KCND2: variants seen among roughly 807,000 people sequenced by gnomAD.
KCND2 encodes A-type voltage-gated potassium channel KCND2.
Under a neutral mutation model 54.4 loss-of-function variants are expected in KCND2, and 16 were observed. The ratio of observed to expected loss-of-function variants is 0.29; its 90% CI spans 0.20 to 0.45. The LOEUF (loss-of-function observed/expected upper bound fraction) is 0.45. Ranked by LOEUF, KCND2 falls within the 20% of genes least tolerant of loss-of-function variation. KCND2 has a pLI of 1.00. For synonymous variants in KCND2, 317 were observed against 310.7 expected, an observed-to-expected ratio of 1.02 and a Z score of -0.21; for missense variants, 486 against 824.2, an observed-to-expected ratio of 0.59 and a Z score of 5.02.
chr7:120,702,881 G>A (rs536000181), intron 1 of KCND2, among the ~76,000 whole-genome samples: 35 of 151,992 alleles, frequency 2.3e-4, no homozygotes, highest in South Asian at 2.1e-3. Flanking sequence ...TAACCCCCCC[G>A]TCACAGGTTT....
intron 1 of KCND2, among the ~76,000 whole-genome samples, chr7:120,482,121 G>A (rs980672738): frequency 2.6e-5 from 4 of 152,200 alleles, no homozygotes; most frequent in African/African-American, 4.8e-5. Context: ...GAAGTAGGAC[G>A]TGGAGCCAAA....
intron 1 of KCND2, among the ~76,000 whole-genome samples, chr7:120,530,209 T>C (rs1791825971): frequency 6.6e-6 from 1 of 152,210 alleles, no homozygotes; most frequent in African/African-American, 2.4e-5. Flanking sequence ...ACACAAAGTA[T>C]AAATGCTTGA....
At chr7:120,517,949 G>T (rs2116342067) in intron 1 of KCND2, among the ~76,000 whole-genome samples, 1 of 152,148 alleles carries the variant, frequency 6.6e-6, no homozygotes, top group Admixed American at 6.6e-5. Flanking sequence ...TTTCTTCTCT[G>T]CATTCCCTAC....
chr7:120,741,910 A>T (rs753301968), intron 3 of KCND2, among the ~76,000 whole-genome samples: 5 of 152,148 alleles, frequency 3.3e-5, no homozygotes, highest in Non-Finnish European at 7.4e-5. Flanking sequence ...AAAGGTAAAA[A>T]AAAATGCTTA....
At chr7:120,387,350 C>T (rs556266038) in intron 1 of KCND2, among the ~76,000 whole-genome samples, 3 of 151,960 alleles carry the variant, frequency 2.0e-5, no homozygotes, top group Non-Finnish European at 4.4e-5. Context: ...GAGGTAAAGA[C>T]GATGGCTTGA....
Position 120,273,692 on chromosome 7 carries a change from T to C in KCND2, c.-941T>C, listed in dbSNP as rs1236705123. ...TCGGCTGCTCGCGAGCTGCTTTCTC[T>C]CCTCTTCCCTTTCCGGGTGCACGGC... On this transcript the variant is annotated 5_prime_UTR_variant, in exon 1 of 6. Transcript: ENST00000331113. 5 of 152,702 alleles carry C rather than the reference T, an allele frequency of 3.3e-5. No homozygotes were observed. Among genetic ancestry groups the C allele is most frequent in the Non-Finnish European group, 7.3e-5 (5 of 68,126 alleles). The allele number at this position is 152,702 out of a possible 1,614,324, so 9.5% of individuals were successfully genotyped here. A position where few individuals can be genotyped will look rare whatever the true frequency, so the allele number is the denominator to read the frequency against.
rs1035045841 is a variant in KCND2 at position 120,674,847 on chromosome 7, T to G, written c.1116-58056T>G. 3.3e-5 allele frequency among the ~76,000 whole-genome samples: 5 copies of G among 152,344 alleles called. No homozygotes were observed. The East Asian group carries it at 9.6e-4, about 29-fold the overall frequency. Reference sequence around the variant, plus strand: ...AGTGTGTGTTGGAGGGGAAGAGTTCTTCTTTTCTCAAAAAAGTAAAATAGT... The same window carrying G: ...AGTGTGTGTTGGAGGGGAAGAGTTCGTCTTTTCTCAAAAAAGTAAAATAGT... On this transcript the variant is annotated intron_variant, in intron 1 of 5. Coordinates refer to ENST00000331113, the MANE Select transcript of KCND2 (RefSeq NM_012281.3).
chr7:120,275,422 A>G lies in KCND2; in HGVS notation c.790A>G (p.Ile264Val), dbSNP rs771077214. ...RYRFVRSVMS[I>V]IDVVAILPYY... ...CCGTTTTGTGCGTAGTGTCATGAGT[A>G]TCATCGACGTGGTGGCCATCCTGCC... Residue 264 changes from isoleucine to valine, a missense_variant, in exon 1 of 6, where the codon ATC becomes GTC. Physicochemically the swap from Ile to Val is conservative, Grantham distance 29 (BLOSUM62 3). Transcript: ENST00000331113. 3.1e-6 allele frequency: 5 copies of G among 1,613,656 alleles called. No homozygotes were observed. Among genetic ancestry groups the G allele is most frequent in the Non-Finnish European group, 4.2e-6 (5 of 1,179,960 alleles).
At chr7:120,599,996 T>C (rs1792794651) in intron 1 of KCND2, among the ~76,000 whole-genome samples, 1 of 151,970 alleles carries the variant, frequency 6.6e-6, no homozygotes. Context: ...AGAGTTTTTA[T>C]CATGAAAGAA....
intron 1 of KCND2, among the ~76,000 whole-genome samples, chr7:120,590,567 T>C (rs1331126313): frequency 6.6e-6 from 1 of 152,204 alleles, no homozygotes; most frequent in Non-Finnish European, 1.5e-5. Flanking sequence ...ACATTTTCTT[T>C]CATTAAATAT....
At chr7:120,556,457 G>A (rs528475578) in intron 1 of KCND2, among the ~76,000 whole-genome samples, 1 of 152,246 alleles carries the variant, frequency 6.6e-6, no homozygotes, top group African/African-American at 2.4e-5. Flanking sequence ...GTCAGCTCAG[G>A]GAAGGCAGAG....
At position 120,608,095 on chromosome 7, in the gene KCND2, A is replaced by G. The variant is rs540752472; in HGVS notation, c.1116-124808A>G. On this transcript the variant is annotated intron_variant, in intron 1 of 5. Coordinates refer to ENST00000331113, the MANE Select transcript of KCND2 (RefSeq NM_012281.3). ...CTATGTGCCAGAAAAGTTTATCTTT[A>G]TATGTGTATAAATATTTGAGAGATT... Among the ~76,000 whole-genome samples the G allele has an allele frequency of 2.6e-3, 389 of 151,960 alleles. 3 individuals are homozygous for G. Among genetic ancestry groups the G allele is most frequent in the African/African-American group, 9.0e-3 (375 of 41,476 alleles).
At chr7:120,459,789 T>C (rs1044135272) in intron 1 of KCND2, among the ~76,000 whole-genome samples, 3 of 152,230 alleles carry the variant, frequency 2.0e-5, no homozygotes, top group Non-Finnish European at 4.4e-5. Flanking sequence ...ATTTTCCTAG[T>C]AATTTCAGTA....
chr7:120,409,207 C>T (rs1391486318), intron 1 of KCND2, among the ~76,000 whole-genome samples: 2 of 151,844 alleles, frequency 1.3e-5, no homozygotes, highest in African/African-American at 4.8e-5. Flanking sequence ...TAGCATCATC[C>T]CTTTCTTGGT....
At chr7:120,382,384 A>G (rs769615377) in intron 1 of KCND2, among the ~76,000 whole-genome samples, 2 of 151,968 alleles carry the variant, frequency 1.3e-5, no homozygotes, top group African/African-American at 4.8e-5. Flanking sequence ...GAGTACAAGC[A>G]TAGAAAAACA....
chr7:120,524,132 G>A (rs1791740705), intron 1 of KCND2, among the ~76,000 whole-genome samples: 1 of 152,018 alleles, frequency 6.6e-6, no homozygotes, highest in African/African-American at 2.4e-5. Context: ...CTACTCAGCA[G>A]GCTGAGGCAG....
At chr7:120,422,471 A>G (rs1377371777) in intron 1 of KCND2, among the ~76,000 whole-genome samples, 1 of 152,102 alleles carries the variant, frequency 6.6e-6, no homozygotes. Context: ...GGTGGTTCTC[A>G]TCTTTTCTGT....
At position 120,433,203 on chromosome 7, in the gene KCND2, C is replaced by A. The variant is rs1292775726; in HGVS notation, c.1115+157456C>A. Among the ~76,000 whole-genome samples, 3 of 152,250 alleles carry A rather than the reference C, an allele frequency of 2.0e-5. No individual in the cohort carries two copies. The East Asian group carries it at 5.8e-4, about 29-fold the overall frequency. ...ATATTTCCCAGCAGGGGTGAAGAAC[C>A]CTGTTGAGCATGACTGCAGCCCCCA... On this transcript the variant is annotated intron_variant, in intron 1 of 5. Coordinates refer to ENST00000331113, the MANE Select transcript of KCND2 (RefSeq NM_012281.3).
In KCND2 at chr7:120,445,423, C is replaced by G. The variant is rs188656492; in HGVS notation, c.1115+169676C>G. Reference sequence around the variant, plus strand: ...AGAGAATAATGGTTAGGAGGACAGTCTCTGAATCTAGACTGTTCACAGATT... The same window carrying G: ...AGAGAATAATGGTTAGGAGGACAGTGTCTGAATCTAGACTGTTCACAGATT... On this transcript the variant is annotated intron_variant, in intron 1 of 5. Coordinates refer to ENST00000331113, the MANE Select transcript of KCND2 (RefSeq NM_012281.3). Among the ~76,000 whole-genome samples, 936 of 152,216 alleles carry G rather than the reference C, an allele frequency of 6.1e-3. 8 individuals are homozygous for G. Among genetic ancestry groups the G allele is most frequent in the Non-Finnish European group, 0.011 (716 of 67,992 alleles).
Sources: gnomAD v4.1 joint callset for allele counts (sites outside exome capture counted in the v4.1 genomes callset) on GRCh38, gnomAD v4.1.1 for gene constraint, MANE v1.5 for transcripts, NCBI Gene and HGNC (gene_info 2026-07-23, HGNC 2026-07-21) for gene names.